Variants in IGSF10 observed in about 807,000 individuals in gnomAD.
IGSF10 encodes immunoglobulin superfamily member 10.
IGSF10 carries 126 observed loss-of-function variants against 128.2 expected under a neutral mutation model. That is an observed-to-expected ratio of 0.98 (90% CI 0.85 to 1.14). The LOEUF (loss-of-function observed/expected upper bound fraction) is 1.14. IGSF10 is among the 50% of genes most tolerant of loss of function. The probability of loss-of-function intolerance (pLI) is 0.00; values close to 1 mark genes in which losing one functional copy is unlikely to be tolerated. For synonymous variants in IGSF10, 1,185 were observed against 1,146.2 expected (o/e 1.03, Z -0.68); for missense variants, 3,295 against 3,149.8 (o/e 1.05, Z -1.10).
chr3:151,449,082 C>T lies in IGSF10; in HGVS notation c.899G>A (p.Ser300Asn), dbSNP rs757339167. The change falls in exon 6 of 8, where the codon AGT (serine) becomes AAT (asparagine). Residue 300 changes from serine (S) to asparagine (N), a missense_variant. Physicochemically the swap from Ser to Asn is conservative, Grantham distance 46. Transcript: ENST00000282466. ...SKSLTILEDS[S>N]SAFISPQGFM... The stretch of plus-strand genomic sequence containing the variant: ...ACCTTGGGGAGAGATGAAAGCAGAA[C>T]TACTGTCTTCCAGAATAGTCAGGCT... 6.2e-7 allele frequency: 1 copy of T among 1,614,202 alleles called. No homozygotes were observed. Among genetic ancestry groups the T allele is most frequent in the Admixed American group, 1.7e-5 (1 of 60,020 alleles).
chr3:151,448,694 T>C lies in IGSF10; in HGVS notation c.1287A>G (p.Leu429=). The stretch of plus-strand genomic sequence containing the variant: ...GCTGCAAGGAAATTTGGTCTTGCAT[T>C]AACCAAGAGGGATCTGCTCTGAGAT... ...EADLRADPSW[L]MQDQISLQLN... is the part of the protein sequence containing the mutation. The change falls in exon 6 of 8, where the codon TTA becomes TTG. Residue 429 remains leucine (L), a synonymous_variant. Coordinates refer to ENST00000282466, the MANE Select transcript of IGSF10 (RefSeq NM_178822.5). The C allele has an allele frequency of 6.2e-7, 1 of 1,614,144 alleles. No homozygotes were observed. Among genetic ancestry groups the C allele is most frequent in the South Asian group, 1.1e-5 (1 of 91,076 alleles).
chr3:151,449,368 A>G, intron 5 of IGSF10, 103 bp from the exon 6 acceptor site: 1 of 1,174,528 alleles, frequency 8.5e-7, no homozygotes, highest in Non-Finnish European at 1.2e-6. Context: ...CAATTTGGAA[A>G]TTTTAGTGTT....
In IGSF10 at chr3:151,460,939, C is replaced by T. The variant is rs1722024534; in HGVS notation, c.-89+7G>A. ...CTTTCCGGGGAAGGATTGGCCGAGG[C>T]GCTCACCTGTTTGCCCTGGTGACCA... On this transcript the variant is annotated splice_region_variant and intron_variant, in intron 1 of 7. Transcript: ENST00000282466. The T allele has an allele frequency of 2.0e-6, 2 of 985,364 alleles. No individual in the cohort carries two copies. Among genetic ancestry groups the T allele is most frequent in the South Asian group, 4.7e-5 (1 of 21,292 alleles). 61.0% of individuals were successfully genotyped at this position (985,364 alleles called of 1,614,324 possible).
the IGSF10 span, among the ~76,000 whole-genome samples, chr3:151,528,689 C>G: frequency 6.6e-6 from 1 of 152,168 alleles, no homozygotes; most frequent in African/African-American, 2.4e-5. Flanking sequence ...TTCCCATGGT[C>G]TTTGCAACTG....
At chr3:151,529,865 G>A in the IGSF10 span, among the ~76,000 whole-genome samples, 2 of 151,982 alleles carry the variant, frequency 1.3e-5, no homozygotes, top group Non-Finnish European at 1.5e-5. Flanking sequence ...TGAGTTTGAC[G>A]AATTGACAGA....
chr3:151,597,669 CA>C, the IGSF10 span, among the ~76,000 whole-genome samples: 20 of 152,320 alleles, frequency 1.3e-4, no homozygotes, highest in Admixed American at 2.6e-4. Flanking sequence ...GTAATCCCAG[CA>C]CTTTGGGAGG....
chr3:151,615,460 CTTAA>C, the IGSF10 span, among the ~76,000 whole-genome samples: 1 of 152,060 alleles, frequency 6.6e-6, no homozygotes, highest in Non-Finnish European at 1.5e-5. Context: ...TATGCTGTGT[CTTAA>C]TTACTTTACT....
At chr3:151,432,779 C>T (rs769893574), downstream of IGSF10, 13 of 1,612,808 alleles carry the variant, frequency 8.1e-6, no homozygotes, top group African/African-American at 4.0e-5. Flanking sequence ...GGAGTGACTC[C>T]GTATGGGCAT....
the IGSF10 span, among the ~76,000 whole-genome samples, chr3:151,558,019 A>ATATATAT: frequency 1.8e-4 from 5 of 27,700 alleles, no homozygotes; most frequent in Admixed American, 5.7e-4. Flanking sequence ...TATATATATA[A>ATATATAT]TATATATATT....
At chr3:151,532,823 G>C in the IGSF10 span, among the ~76,000 whole-genome samples, 1 of 152,274 alleles carries the variant, frequency 6.6e-6, no homozygotes, top group Non-Finnish European at 1.5e-5. Context: ...GTTCTGGTCA[G>C]GGCAATTGGC....
At chr3:151,525,140 C>T in the IGSF10 span, among the ~76,000 whole-genome samples, 1 of 150,512 alleles carries the variant, frequency 6.6e-6, no homozygotes, top group African/African-American at 2.4e-5. Flanking sequence ...ATCCTTCCAC[C>T]TCAGCCTTCT....
chr3:151,478,650 G>C, the IGSF10 span, among the ~76,000 whole-genome samples: 2 of 152,056 alleles, frequency 1.3e-5, no homozygotes, highest in Non-Finnish European at 2.9e-5. Flanking sequence ...ATTTAGAAAA[G>C]AGAGAATTTA....
the IGSF10 span, among the ~76,000 whole-genome samples, chr3:151,492,745 G>GCAAA: frequency 0.84 from 127,749 of 151,266 alleles, 54,242 homozygotes; most frequent in Middle Eastern, 0.94. Flanking sequence ...AAAAATTAAA[G>GCAAA]CAAACAAACA....
the IGSF10 span, among the ~76,000 whole-genome samples, chr3:151,605,007 A>G: frequency 6.6e-6 from 1 of 152,200 alleles, no homozygotes; most frequent in African/African-American, 2.4e-5. Context: ...CTCATGCCTA[A>G]TTCATCTAAC....
At chr3:151,517,581 G>A in the IGSF10 span, among the ~76,000 whole-genome samples, 6 of 151,930 alleles carry the variant, frequency 3.9e-5, no homozygotes, top group Middle Eastern at 3.2e-3. Flanking sequence ...ACCTGTGAAT[G>A]ATATGCTGAG....
chr3:151,539,119 C>T, the IGSF10 span, among the ~76,000 whole-genome samples: 1 of 152,298 alleles, frequency 6.6e-6, no homozygotes, highest in Non-Finnish European at 1.5e-5. Flanking sequence ...AAGGCTAGAC[C>T]TGCAAATACA....
At chr3:151,505,582 A>G in the IGSF10 span, among the ~76,000 whole-genome samples, 1 of 152,176 alleles carries the variant, frequency 6.6e-6, no homozygotes, top group African/African-American at 2.4e-5. Context: ...TTATATATGT[A>G]TAGGTATTAG....
chr3:151,499,636 T>G, the IGSF10 span: 1 of 152,126 alleles, frequency 6.6e-6, no homozygotes, highest in Non-Finnish European at 1.5e-5. Context: ...AAAGAAGCAG[T>G]GTGGCTCCAG....
chr3:151,539,266 T>C, the IGSF10 span, among the ~76,000 whole-genome samples: 15 of 152,172 alleles, frequency 9.9e-5, no homozygotes, highest in Non-Finnish European at 2.1e-4. Context: ...GCTTGCTCTG[T>C]AACCCGAGAG....
Sources: gnomAD v4.1 joint callset for allele counts (sites outside exome capture counted in the v4.1 genomes callset) on GRCh38, gnomAD v4.1.1 for gene constraint, MANE v1.5 for transcripts, NCBI Gene and HGNC (gene_info 2026-07-23, HGNC 2026-07-21) for gene names.